Variants in CEMIP2 observed in about 807,000 individuals in gnomAD.
The protein encoded by CEMIP2 is cell surface hyaluronidase CEMIP2.
In CEMIP2, 79 loss-of-function variants were observed where a neutral mutation model predicts 146.9. That is an observed-to-expected ratio of 0.54 (90% CI 0.45 to 0.65). The LOEUF (loss-of-function observed/expected upper bound fraction) is 0.65. Ranked by LOEUF, CEMIP2 falls within the 30% of genes least tolerant of loss-of-function variation. The probability of loss-of-function intolerance (pLI) is 0.00; values close to 1 mark genes in which losing one functional copy is unlikely to be tolerated. For synonymous variants in CEMIP2, 601 were observed against 606.3 expected (o/e 0.99, Z 0.13); for missense variants, 1,596 against 1,696.2 (o/e 0.94, Z 1.04).
rs150049574 is a variant in CEMIP2, at chr9:71,684,166, C to T, written c.*1031G>A. The T allele has an allele frequency of 3.3e-5, 5 of 152,304 alleles. No individual in the cohort carries two copies. Among genetic ancestry groups the T allele is most frequent in the Admixed American group, 6.5e-5 (1 of 15,298 alleles). The allele number at this position is 152,304 out of a possible 1,614,324, so 9.4% of individuals were successfully genotyped here. A position where few individuals can be genotyped will look rare whatever the true frequency, so the allele number is the denominator to read the frequency against. ...TCTCCACGATTCTGACCCTAGAAAG[C>T]GCTCCTTTTTTTCCTCCCTGGGTGT... On this transcript the variant is annotated 3_prime_UTR_variant, in exon 24 of 24. Transcript: ENST00000377044.
intron 1 of CEMIP2, among the ~76,000 whole-genome samples, chr9:71,757,786 G>A (rs976416843): frequency 4.6e-5 from 7 of 152,108 alleles, no homozygotes; most frequent in Non-Finnish European, 7.4e-5. Context: ...GGGTTAGGGC[G>A]TTTCATTTAG....
chr9:71,739,721 A>C (rs1823861173), intron 5 of CEMIP2, among the ~76,000 whole-genome samples: 1 of 152,206 alleles, frequency 6.6e-6, no homozygotes, highest in South Asian at 2.1e-4. Context: ...ACAGCTTTGA[A>C]TGCAGCCCAA....
chr9:71,715,290 C>T (rs1208410364), intron 14 of CEMIP2, among the ~76,000 whole-genome samples: 1 of 135,108 alleles, frequency 7.4e-6, no homozygotes, highest in Non-Finnish European at 1.5e-5. Context: ...TCACCCAATG[C>T]TCGAGTACAA....
rs11142984 is a variant in CEMIP2 at position 71,728,268 on chromosome 9, T to C, written c.2049+1577A>G. 4.5e-3 allele frequency among the ~76,000 whole-genome samples: 49 copies of C among 10,836 alleles called. 8 individuals are homozygous for C. The highest frequency in any genetic ancestry group is 7.1e-3 in the African/African-American group (42 of 5,948). 7.1% of individuals were successfully genotyped at this position (10,836 alleles called of 152,430 possible). A position where few individuals can be genotyped will look rare whatever the true frequency, so the allele number is the denominator to read the frequency against. On this transcript the variant is annotated intron_variant, in intron 10 of 23. Transcript: ENST00000377044. ...ATATATATGTATATACACGTATATA[T>C]ATATATATATATGTATATATATATA...
At chr9:71,759,051 G>A (rs1824548006) in intron 1 of CEMIP2, among the ~76,000 whole-genome samples, 2 of 152,116 alleles carry the variant, frequency 1.3e-5, no homozygotes, top group African/African-American at 2.4e-5. Flanking sequence ...TTATTAAGCA[G>A]ATTATAGCCA....
intron 18 of CEMIP2, 92 bp from the exon 19 acceptor site, chr9:71,700,916 C>T (rs1431642266): frequency 1.8e-6 from 2 of 1,098,986 alleles, no homozygotes; most frequent in Non-Finnish European, 2.5e-6. Flanking sequence ...CTTCATGTGC[C>T]ACTTCTTCCA....
intron 10 of CEMIP2, among the ~76,000 whole-genome samples, chr9:71,728,841 G>GTT (rs1823528845): frequency 6.6e-6 from 1 of 151,520 alleles, no homozygotes; most frequent in African/African-American, 2.4e-5. Context: ...GTGTGTGTGT[G>GTT]TTTTTATTGA....
At chr9:71,723,760 T>C (rs1823308186) in intron 11 of CEMIP2, among the ~76,000 whole-genome samples, 1 of 152,136 alleles carries the variant, frequency 6.6e-6, no homozygotes, top group South Asian at 2.1e-4. Context: ...GTTGAAGCCA[T>C]AAGGACCAGT....
chr9:71,763,986 A>G (rs752886588), intron 1 of CEMIP2, among the ~76,000 whole-genome samples: 1 of 152,230 alleles, frequency 6.6e-6, no homozygotes, highest in Non-Finnish European at 1.5e-5. Context: ...AGCAAGTACC[A>G]GGAAAACAAA....
intron 19 of CEMIP2, 60 bp from the exon 20 acceptor site, chr9:71,698,264 C>T: frequency 6.7e-7 from 1 of 1,490,722 alleles, no homozygotes; most frequent in South Asian, 1.2e-5. Flanking sequence ...TTACAAAATT[C>T]CTCAAATCAG....
chr9:71,703,047 G>A (rs759768676), intron 18 of CEMIP2, among the ~76,000 whole-genome samples: 1 of 152,140 alleles, frequency 6.6e-6, no homozygotes, highest in Admixed American at 6.5e-5. Context: ...GCAACTCACT[G>A]ATGATATTAG....
In CEMIP2 at chr9:71,704,642, A is replaced by G. The variant is rs758830377; in HGVS notation, c.3147T>C (p.Asn1049=). ...MLEKGYTIHW[N]GPAPRTTFLY... is the part of the protein sequence containing the mutation. The stretch of plus-strand genomic sequence containing the variant: ...GAAATGTAGTCCGTGGTGCCGGCCC[A>G]TTCCAGTGGATGGTATAACCCTTCT... Residue 1049 remains asparagine, a synonymous_variant, in exon 18 of 24, where the codon AAT becomes AAC. Coordinates refer to ENST00000377044, the MANE Select transcript of CEMIP2 (RefSeq NM_013390.3). 3.1e-6 allele frequency: 5 copies of G among 1,614,070 alleles called. No homozygotes were observed. In the African/African-American group the frequency reaches 6.7e-5, roughly 22 times the overall value.
intron 12 of CEMIP2, among the ~76,000 whole-genome samples, chr9:71,719,827 T>C (rs991854283): frequency 3.2e-5 from 2 of 63,282 alleles, no homozygotes; most frequent in Non-Finnish European, 6.5e-5. Context: ...GGAGACATAC[T>C]GTTCTAAACG....
chr9:71,736,843 C>G (rs956850416), intron 5 of CEMIP2, among the ~76,000 whole-genome samples: 1 of 152,118 alleles, frequency 6.6e-6, no homozygotes, highest in Non-Finnish European at 1.5e-5. Context: ...ACTTCTCTGT[C>G]GTCTAATTAA....
At chr9:71,764,411 T>C (rs114460837) in intron 1 of CEMIP2, among the ~76,000 whole-genome samples, 266 of 150,854 alleles carry the variant, frequency 1.8e-3, no homozygotes, top group African/African-American at 6.2e-3. Flanking sequence ...TAAGAATATA[T>C]CTGAGAAAGA....
intron 15 of CEMIP2, among the ~76,000 whole-genome samples, chr9:71,713,234 T>C (rs1250134666): frequency 6.6e-6 from 1 of 152,144 alleles, no homozygotes; most frequent in Non-Finnish European, 1.5e-5. Flanking sequence ...TTCTCCGTGC[T>C]GTTCTCATGA....
At chr9:71,729,611 C>CT (rs1245429634) in intron 10 of CEMIP2, among the ~76,000 whole-genome samples, 16 of 149,208 alleles carry the variant, frequency 1.1e-4, no homozygotes, top group Non-Finnish European at 2.4e-4. Context: ...GACCGGGACT[C>CT]TGTCTCGAGA....
At chr9:71,688,323 C>CT (rs1389303259) in intron 22 of CEMIP2, among the ~76,000 whole-genome samples, 1 of 151,914 alleles carries the variant, frequency 6.6e-6, no homozygotes, top group African/African-American at 2.4e-5. Context: ...TAATGTGGGT[C>CT]TCGATGGTTC....
At position 71,683,871 on chromosome 9, in the gene CEMIP2, C is replaced by T. The variant is rs1821977865; in HGVS notation, c.*1326G>A. ...GCCTGAACACACTTTCTACCACCCA[C>T]CCTTGGCCATCCCTCCTCTACACTT... On this transcript the variant is annotated 3_prime_UTR_variant, in exon 24 of 24. Coordinates refer to ENST00000377044, the MANE Select transcript of CEMIP2 (RefSeq NM_013390.3). 1 of 152,522 alleles carries T rather than the reference C, an allele frequency of 6.6e-6. No homozygotes were observed. 9.4% of individuals were successfully genotyped at this position (152,522 alleles called of 1,614,324 possible).
Sources: allele counts gnomAD v4.1 joint callset (sites outside exome capture counted in the v4.1 genomes callset), GRCh38; gene constraint gnomAD v4.1.1; transcripts MANE v1.5; gene names NCBI Gene and HGNC (gene_info 2026-07-23, HGNC 2026-07-21).